AOAH: variants seen among roughly 807,000 people sequenced by gnomAD.
The protein encoded by AOAH is acyloxyacyl hydrolase, also known as acyloxyacyl hydrolase (neutrophil).
In AOAH, 64 loss-of-function variants were observed where a neutral mutation model predicts 92.2. That is an observed-to-expected ratio of 0.69 (90% CI 0.57 to 0.86). AOAH has a LOEUF of 0.86. Ranked by LOEUF, AOAH falls within the 40% of genes least tolerant of loss-of-function variation. AOAH has a pLI of 0.00. For synonymous variants in AOAH, 263 were observed against 254.5 expected (o/e 1.03, Z -0.32); for missense variants, 656 against 694.6 (o/e 0.94, Z 0.62).
chr7:36,681,826 GA>G (rs1449503184), intron 2 of AOAH, among the ~76,000 whole-genome samples: 2 of 151,966 alleles, frequency 1.3e-5, no homozygotes, highest in Non-Finnish European at 2.9e-5. Context: ...AAATAAATAA[GA>G]GTACCTGAAT....
intron 13 of AOAH, among the ~76,000 whole-genome samples, chr7:36,556,369 T>C (rs894959149): frequency 6.6e-6 from 1 of 152,142 alleles, no homozygotes; most frequent in Non-Finnish European, 1.5e-5. Flanking sequence ...TAATTTCTGT[T>C]CTTTTCCATT....
At chr7:36,598,795 T>C (rs959325177) in intron 11 of AOAH, among the ~76,000 whole-genome samples, 1 of 152,212 alleles carries the variant, frequency 6.6e-6, no homozygotes, top group Non-Finnish European at 1.5e-5. Context: ...AATGTTTAAG[T>C]CCTATCACAT....
Position 36,648,632 on chromosome 7 carries a change from T to C in AOAH, c.390+10534A>G, listed in dbSNP as rs1794385652. ...TTGCTCAGGTTTTTTATGGTTCCTTTTTTTTTTTTTTAAGTGATTCAGTCT... is the reference window on the plus strand; with the variant it reads ...TTGCTCAGGTTTTTTATGGTTCCTTCTTTTTTTTTTTAAGTGATTCAGTCT... On this transcript the variant is annotated intron_variant, in intron 4 of 20. Coordinates refer to ENST00000617537, the MANE Select transcript of AOAH (RefSeq NM_001637.4). Among the ~76,000 whole-genome samples the C allele has an allele frequency of 1.3e-5, 2 of 151,204 alleles. 1 individual carries two copies. Among genetic ancestry groups the C allele is most frequent in the South Asian group, 4.1e-4 (2 of 4,820 alleles).
At chr7:36,651,185 G>C (rs971898781) in intron 4 of AOAH, among the ~76,000 whole-genome samples, 3 of 152,202 alleles carry the variant, frequency 2.0e-5, no homozygotes, top group Non-Finnish European at 4.4e-5. Context: ...CTTCCTCACT[G>C]TTTGTCTATA....
At chr7:36,687,034 A>C (rs891694255) in intron 1 of AOAH, among the ~76,000 whole-genome samples, 7 of 152,276 alleles carry the variant, frequency 4.6e-5, no homozygotes, top group African/African-American at 1.7e-4. Flanking sequence ...TCCTTTCTGC[A>C]GTAGATGGCT....
chr7:36,707,431 T>A, intron 1 of AOAH, among the ~76,000 whole-genome samples: 1 of 152,200 alleles, frequency 6.6e-6, no homozygotes, highest in East Asian at 1.9e-4. Context: ...ATGAAAAAGT[T>A]TGAAATATCC....
At chr7:36,682,815 A>C (rs890868046) in intron 2 of AOAH, among the ~76,000 whole-genome samples, 20 of 152,128 alleles carry the variant, frequency 1.3e-4, no homozygotes, top group African/African-American at 4.1e-4. Flanking sequence ...AAATAAATAA[A>C]GAGATTAAAA....
chr7:36,575,182 T>C (rs572491313), intron 13 of AOAH, among the ~76,000 whole-genome samples: 56 of 152,352 alleles, frequency 3.7e-4, no homozygotes, highest in African/African-American at 1.3e-3. Context: ...TAACTGTCCA[T>C]TAACTATTGA....
chr7:36,671,649 T>TTG (rs34363257), intron 3 of AOAH, among the ~76,000 whole-genome samples: 32,719 of 149,292 alleles, frequency 0.22, 3,703 homozygotes, highest in African/African-American at 0.3. Flanking sequence ...GTGCACGTGT[T>TTG]TGTGTGTGTG....
chr7:36,647,122 A>G (rs1218613198), intron 4 of AOAH, among the ~76,000 whole-genome samples: 3 of 152,236 alleles, frequency 2.0e-5, no homozygotes, highest in East Asian at 1.9e-4. Flanking sequence ...CTCTGCTTTC[A>G]TGGAGGTTAC....
chr7:36,622,286 C>A (rs1392593896), intron 7 of AOAH, among the ~76,000 whole-genome samples: 1 of 152,220 alleles, frequency 6.6e-6, no homozygotes, highest in Non-Finnish European at 1.5e-5. Flanking sequence ...AACCATCAGT[C>A]CTCTCTGGCT....
At chr7:36,641,068 C>T (rs926698881) in intron 4 of AOAH, among the ~76,000 whole-genome samples, 14 of 152,158 alleles carry the variant, frequency 9.2e-5, no homozygotes, top group African/African-American at 3.4e-4. Context: ...ACTCAAATCC[C>T]TCTTCACCCC....
At chr7:36,551,227 C>T (rs1786225618) in intron 13 of AOAH, among the ~76,000 whole-genome samples, 1 of 151,956 alleles carries the variant, frequency 6.6e-6, no homozygotes, top group African/African-American at 2.4e-5. Context: ...GCATGTGCCA[C>T]CATGCTTGGC....
At chr7:36,594,276 C>T in intron 12 of AOAH, 63 bp downstream of exon 12, 1 of 1,294,192 alleles carries the variant, frequency 7.7e-7, no homozygotes, top group African/African-American at 1.5e-5. Context: ...TAGCAACCCC[C>T]ATCTCTTGTT....
chr7:36,696,278 A>C (rs115664204), intron 1 of AOAH, among the ~76,000 whole-genome samples: 217 of 152,196 alleles, frequency 1.4e-3, no homozygotes, highest in African/African-American at 5.1e-3. Context: ...TTTCTACATA[A>C]ATTTTAGAAT....
chr7:36,722,388 T>C (rs1799686499), intron 1 of AOAH, among the ~76,000 whole-genome samples: 1 of 152,152 alleles, frequency 6.6e-6, no homozygotes. Context: ...CCCTGACAAC[T>C]TGCCCAAACT....
chr7:36,524,739 CTT>C (rs563515479), intron 19 of AOAH, among the ~76,000 whole-genome samples: 4 of 144,764 alleles, frequency 2.8e-5, no homozygotes, highest in Non-Finnish European at 3.0e-5. Context: ...CTCGCTCACT[CTT>C]TTTTTTTTTT....
intron 20 of AOAH, chr7:36,514,509 T>C: frequency 1.3e-6 from 2 of 1,536,018 alleles, no homozygotes; most frequent in South Asian, 1.2e-5. Context: ...TTTCCCTTTA[T>C]CCATGATGTT....
chr7:36,550,149 G>C (rs1786113807), intron 13 of AOAH: 1 of 152,270 alleles, frequency 6.6e-6, no homozygotes, highest in Admixed American at 6.5e-5. Flanking sequence ...GAGGTCAGGA[G>C]TTCGAGACCA....
Sources: gnomAD v4.1 joint callset for allele counts (sites outside exome capture counted in the v4.1 genomes callset) on GRCh38, gnomAD v4.1.1 for gene constraint, MANE v1.5 for transcripts, NCBI Gene and HGNC (gene_info 2026-07-23, HGNC 2026-07-21) for gene names.